The following SIPA1L3 variants were observed in gnomAD, a reference collection of about 807,000 sequenced individuals.
SIPA1L3 encodes the protein signal-induced proliferation-associated 1-like protein 3.
Under a neutral mutation model 150.1 loss-of-function variants are expected in SIPA1L3, and 59 were observed. That is an observed-to-expected ratio of 0.39 (90% CI 0.32 to 0.49). SIPA1L3 has a LOEUF of 0.49. Ranked by LOEUF, SIPA1L3 falls within the 20% of genes least tolerant of loss-of-function variation. SIPA1L3 has a pLI of 0.86. For missense variants in SIPA1L3, 2,211 were observed against 2,489.5 expected, an observed-to-expected ratio of 0.89 and a Z score of 2.38; for synonymous variants, 1,070 against 1,077.6, an observed-to-expected ratio of 0.99 and a Z score of 0.14.
intron 2 of SIPA1L3, among the ~76,000 whole-genome samples, chr19:38,067,355 C>T (rs937084260): frequency 1.3e-5 from 2 of 152,180 alleles, no homozygotes; most frequent in African/African-American, 4.8e-5. Flanking sequence ...GGGAGCCTTG[C>T]CAATTTGAAT....
intron 13 of SIPA1L3, among the ~76,000 whole-genome samples, chr19:38,161,307 C>T (rs1204745554): frequency 6.9e-6 from 1 of 145,202 alleles, no homozygotes; most frequent in East Asian, 2.0e-4. Flanking sequence ...CACCACTGCG[C>T]TCTAGCCTGG....
intron 16 of SIPA1L3, among the ~76,000 whole-genome samples, chr19:38,187,162 T>A (rs917058012): frequency 3.4e-5 from 5 of 145,832 alleles, no homozygotes; most frequent in African/African-American, 1.0e-4. Flanking sequence ...CATAAAAAAA[T>A]TTTTTTCAGC....
At chr19:38,034,476 C>A (rs991380194) in intron 2 of SIPA1L3, among the ~76,000 whole-genome samples, 1 of 151,676 alleles carries the variant, frequency 6.6e-6, no homozygotes, top group African/African-American at 2.4e-5. Context: ...GGTCCAGGGC[C>A]CCTGTTCTTA....
intron 10 of SIPA1L3, among the ~76,000 whole-genome samples, chr19:38,138,810 A>C (rs8107346): frequency 0.077 from 11,486 of 148,848 alleles, 1,282 homozygotes; most frequent in African/African-American, 0.24. Context: ...AGGCAGGAGA[A>C]TCGCTTGAAC....
chr19:38,088,397 CTAAG>C, intron 3 of SIPA1L3, among the ~76,000 whole-genome samples: 1 of 152,232 alleles, frequency 6.6e-6, no homozygotes, highest in Non-Finnish European at 1.5e-5. Flanking sequence ...ATGCACTGTA[CTAAG>C]TGTTTCATAT....
intron 1 of SIPA1L3, among the ~76,000 whole-genome samples, chr19:37,916,042 T>A (rs1386877856): frequency 6.6e-6 from 1 of 151,906 alleles, no homozygotes; most frequent in Non-Finnish European, 1.5e-5. Flanking sequence ...AAGTTTTTGT[T>A]TTTGAGACAG....
At chr19:38,177,211 A>T (rs889981829) in intron 15 of SIPA1L3, among the ~76,000 whole-genome samples, 2 of 151,236 alleles carry the variant, frequency 1.3e-5, no homozygotes, top group African/African-American at 4.9e-5. Context: ...AATAGAAAAA[A>T]CTAGCCAGGT....
intron 1 of SIPA1L3, among the ~76,000 whole-genome samples, chr19:37,909,039 A>G (rs966089376): frequency 2.0e-5 from 3 of 152,210 alleles, no homozygotes; most frequent in Non-Finnish European, 4.4e-5. Flanking sequence ...AGTAGTCACC[A>G]TCTTGGCAAA....
chr19:37,967,815 T>C (rs1725486), intron 1 of SIPA1L3, among the ~76,000 whole-genome samples: 142,603 of 152,282 alleles, frequency 0.94, 66,871 homozygotes, highest in African/African-American at 0.98. Context: ...CTGGGTTATG[T>C]GACTGGCTAA....
chr19:38,104,504 G>A (rs1428212741), intron 6 of SIPA1L3, among the ~76,000 whole-genome samples: 3 of 152,206 alleles, frequency 2.0e-5, no homozygotes, highest in African/African-American at 4.8e-5. Context: ...TGGGCGGGGA[G>A]GCAGCAGGCC....
intron 2 of SIPA1L3, among the ~76,000 whole-genome samples, chr19:38,053,560 CTTTTT>C (rs1019175868): frequency 6.9e-6 from 1 of 145,402 alleles, no homozygotes; most frequent in Non-Finnish European, 1.5e-5. Flanking sequence ...GAAGGAGGTA[CTTTTT>C]TTTTTTTGGA....
chr19:38,128,511 G>A (rs796912854), intron 9 of SIPA1L3, among the ~76,000 whole-genome samples: 6 of 152,196 alleles, frequency 3.9e-5, no homozygotes, highest in African/African-American at 1.4e-4. Flanking sequence ...GTGTCTGTGG[G>A]CATGTGTGTA....
intron 1 of SIPA1L3, among the ~76,000 whole-genome samples, chr19:37,988,705 A>T (rs1050539253): frequency 1.1e-4 from 17 of 152,160 alleles, no homozygotes; most frequent in Non-Finnish European, 1.8e-4. Flanking sequence ...ATACATAAAT[A>T]AGAATTAAAA....
chr19:38,104,812 CCA>C (rs1326238302), intron 6 of SIPA1L3, among the ~76,000 whole-genome samples: 1 of 147,010 alleles, frequency 6.8e-6, no homozygotes, highest in Non-Finnish European at 1.5e-5. Flanking sequence ...CTCAGGTGAT[CCA>C]CCCACCTCGG....
chr19:38,110,124 G>A, intron 7 of SIPA1L3, 103 bp from the exon 8 acceptor site: 2 of 1,120,480 alleles, frequency 1.8e-6, no homozygotes, highest in Non-Finnish European at 2.6e-6. Flanking sequence ...TGAGCAGGGA[G>A]TGGGAATGGG....
At chr19:38,063,240 T>A (rs922304361) in intron 2 of SIPA1L3, among the ~76,000 whole-genome samples, 2 of 151,642 alleles carry the variant, frequency 1.3e-5, no homozygotes, top group Non-Finnish European at 2.9e-5. Flanking sequence ...AAGGCCCAGC[T>A]GTGTGTGTCC....
At chr19:38,111,917 A>G (rs1364872557) in intron 8 of SIPA1L3, among the ~76,000 whole-genome samples, 3 of 151,640 alleles carry the variant, frequency 2.0e-5, no homozygotes, top group Non-Finnish European at 1.5e-5. Context: ...ACATGCATGC[A>G]CGCATCCGTG....
chr19:38,111,657 A>G (rs966459653), intron 8 of SIPA1L3, among the ~76,000 whole-genome samples: 6 of 152,278 alleles, frequency 3.9e-5, no homozygotes, highest in African/African-American at 1.4e-4. Flanking sequence ...CTGGTTGTCT[A>G]GCACCTCTGT....
intron 2 of SIPA1L3, among the ~76,000 whole-genome samples, chr19:38,029,720 T>G (rs1032318824): frequency 2.0e-5 from 3 of 152,092 alleles, no homozygotes; most frequent in African/African-American, 7.2e-5. Flanking sequence ...TGCTTCAGCC[T>G]CCGGAGTAGC....
Sources: gnomAD v4.1 joint callset for allele counts (sites outside exome capture counted in the v4.1 genomes callset) on GRCh38, gnomAD v4.1.1 for gene constraint, MANE v1.5 for transcripts, NCBI Gene and HGNC (gene_info 2026-07-23, HGNC 2026-07-21) for gene names.